IGF1R: variants seen among roughly 807,000 people sequenced by gnomAD.
IGF1R encodes insulin like growth factor 1 receptor.
Under a neutral mutation model 144.6 loss-of-function variants are expected in IGF1R, and 44 were observed. The ratio of observed to expected loss-of-function variants is 0.30; its 90% CI spans 0.24 to 0.39. The LOEUF is 0.39. IGF1R is among the 10% of genes least tolerant of loss of function. The pLI, the probability that IGF1R is intolerant of heterozygous loss-of-function variation, is 1.00. For synonymous variants in IGF1R, 795 were observed against 722.8 expected, an observed-to-expected ratio of 1.10 and a Z score of -1.60; for missense variants, 1,355 against 1,833.7, an observed-to-expected ratio of 0.74 and a Z score of 4.77.
At chr15:98,857,943 GCTGT>G (rs779437004) in intron 2 of IGF1R, among the ~76,000 whole-genome samples, 11 of 152,188 alleles carry the variant, frequency 7.2e-5, no homozygotes, top group Non-Finnish European at 1.5e-4. Flanking sequence ...AGTTAAACCA[GCTGT>G]CTAATTGTAC....
chr15:98,792,018 CCT>C (rs986107950), intron 2 of IGF1R, among the ~76,000 whole-genome samples: 35 of 152,268 alleles, frequency 2.3e-4, no homozygotes, highest in Middle Eastern at 3.4e-3. Flanking sequence ...GACAATTCTC[CCT>C]GTTTGTGGGG....
intron 2 of IGF1R, chr15:98,890,484 C>T (rs1450759257): frequency 6.6e-6 from 1 of 152,192 alleles, no homozygotes; most frequent in African/African-American, 2.4e-5. Flanking sequence ...AATAATCCAC[C>T]CCTTGTTTAG....
At chr15:98,722,240 C>T (rs1350165970) in intron 2 of IGF1R, among the ~76,000 whole-genome samples, 1 of 152,100 alleles carries the variant, frequency 6.6e-6, no homozygotes, top group African/African-American at 2.4e-5. Flanking sequence ...AGACACTCTA[C>T]GACTTTTGCC....
At chr15:98,690,613 CAATT>C in intron 1 of IGF1R, among the ~76,000 whole-genome samples, 1 of 152,102 alleles carries the variant, frequency 6.6e-6, no homozygotes, top group Non-Finnish European at 1.5e-5. Flanking sequence ...TTTAAGTATA[CAATT>C]AATATGTGAA....
At chr15:98,650,007 C>G (rs2052310895) in intron 1 of IGF1R, among the ~76,000 whole-genome samples, 1 of 152,108 alleles carries the variant, frequency 6.6e-6, no homozygotes, top group African/African-American at 2.4e-5. Flanking sequence ...CTCCGCGGTT[C>G]CCGGGCCCCG....
At chr15:98,824,164 T>A (rs2056849890) in intron 2 of IGF1R, 1 of 152,254 alleles carries the variant, frequency 6.6e-6, no homozygotes, top group Non-Finnish European at 1.5e-5. Context: ...TTGACAGGGC[T>A]GCCCGTTCTC....
At chr15:98,898,254 A>G (rs2014302752) in intron 4 of IGF1R, among the ~76,000 whole-genome samples, 1 of 152,236 alleles carries the variant, frequency 6.6e-6, no homozygotes, top group African/African-American at 2.4e-5. Flanking sequence ...TTGAGTGCCT[A>G]AACTTTTTTA....
At chr15:98,909,205 GGTGC>G (rs1421479073) in intron 6 of IGF1R, among the ~76,000 whole-genome samples, 3 of 150,726 alleles carry the variant, frequency 2.0e-5, no homozygotes, top group Non-Finnish European at 4.4e-5. Context: ...TTTATACACA[GGTGC>G]ACAGTTAGAT....
rs544024149 is a variant in IGF1R, at chr15:98,704,650, A to G, written c.95-2912A>G. Reference sequence around the variant, plus strand: ...GTCATGTGTCCGCTGCACACCAAGTACTGTTTTAGGCACTGGTGATATAAT... The same window carrying G: ...GTCATGTGTCCGCTGCACACCAAGTGCTGTTTTAGGCACTGGTGATATAAT... On this transcript the variant is annotated intron_variant, in intron 1 of 20. Coordinates refer to ENST00000650285, the MANE Select transcript of IGF1R (RefSeq NM_000875.5). The surrounding 1 kb of genome is among the most constrained non-coding windows in gnomAD (Gnocchi z 4.9). Among the ~76,000 whole-genome samples, 1 of 152,178 alleles carries G rather than the reference A, an allele frequency of 6.6e-6. No homozygotes were observed. The highest frequency in any genetic ancestry group is 2.4e-5 in the African/African-American group (1 of 41,434).
chr15:98,838,344 T>C (rs920525873), intron 2 of IGF1R, among the ~76,000 whole-genome samples: 2 of 152,214 alleles, frequency 1.3e-5, no homozygotes, highest in Non-Finnish European at 2.9e-5. Flanking sequence ...CCATAAAAAA[T>C]AGCACGTGAC....
rs745821429 is a variant in IGF1R at position 98,916,155 on chromosome 15, A to G, written c.1996+24A>G. ...AGGTAAGGGTGCAGCAGCGGCCTGGACGGAGGGTGTGACCGTTCATTCCTG... is the reference window on the plus strand; with the variant it reads ...AGGTAAGGGTGCAGCAGCGGCCTGGGCGGAGGGTGTGACCGTTCATTCCTG... On this transcript the variant is annotated intron_variant, in intron 9 of 20. Transcript: ENST00000650285. The G allele has an allele frequency of 4.3e-6, 7 of 1,613,082 alleles. No individual in the cohort carries two copies. In the South Asian group the frequency reaches 6.6e-5, roughly 15 times the overall value.
intron 4 of IGF1R, among the ~76,000 whole-genome samples, chr15:98,898,382 T>A (rs1358660160): frequency 1.3e-5 from 2 of 152,226 alleles, no homozygotes; most frequent in Non-Finnish European, 2.9e-5. Context: ...CTGGTTTATG[T>A]CCATTGCAGG....
chr15:98,716,461 A>G (rs960121480), intron 2 of IGF1R, among the ~76,000 whole-genome samples: 2 of 152,198 alleles, frequency 1.3e-5, no homozygotes, highest in Non-Finnish European at 2.9e-5. Context: ...GATCATTTAT[A>G]TGGAAGAAGG....
At chr15:98,669,491 CAG>C (rs572746839) in intron 1 of IGF1R, among the ~76,000 whole-genome samples, 1 of 152,152 alleles carries the variant, frequency 6.6e-6, no homozygotes, top group Non-Finnish European at 1.5e-5. Context: ...ACGTTGCCCT[CAG>C]GGTCATATGT....
intron 2 of IGF1R, among the ~76,000 whole-genome samples, chr15:98,765,944 G>A (rs1743649593): frequency 6.6e-6 from 1 of 152,190 alleles, no homozygotes; most frequent in African/African-American, 2.4e-5. Flanking sequence ...GCCACGCAAG[G>A]GAGAGGGTGT....
chr15:98,650,982 A>G (rs951598442), intron 1 of IGF1R: 18 of 985,090 alleles, frequency 1.8e-5, no homozygotes, highest in Non-Finnish European at 2.2e-5. Context: ...AAAAGTTGAA[A>G]GTGTGGCTTA....
At chr15:98,778,974 G>A (rs906589386) in intron 2 of IGF1R, among the ~76,000 whole-genome samples, 12 of 152,232 alleles carry the variant, frequency 7.9e-5, no homozygotes, top group African/African-American at 2.7e-4. Flanking sequence ...AAGCAGAAGA[G>A]TAGTTTCTTG....
intron 2 of IGF1R, among the ~76,000 whole-genome samples, chr15:98,742,202 C>G (rs1478813822): frequency 6.6e-6 from 1 of 152,220 alleles, no homozygotes; most frequent in Non-Finnish European, 1.5e-5. Context: ...TGTATCCAGC[C>G]TTCTCACAGC....
At chr15:98,763,317 C>T (rs1221203368) in intron 2 of IGF1R, among the ~76,000 whole-genome samples, 3 of 152,124 alleles carry the variant, frequency 2.0e-5, no homozygotes, top group Admixed American at 6.5e-5. Flanking sequence ...TTAGGTCCTT[C>T]CACTTTCCTT....
Sources: allele counts gnomAD v4.1 joint callset (sites outside exome capture counted in the v4.1 genomes callset), GRCh38; gene constraint gnomAD v4.1.1; non-coding constraint Gnocchi (gnomAD v3.1); transcripts MANE v1.5; gene names NCBI Gene and HGNC (gene_info 2026-07-23, HGNC 2026-07-21).